RICTOR: variants seen among roughly 807,000 people sequenced by gnomAD.
The protein encoded by RICTOR is rapamycin-insensitive companion of mTOR.
In RICTOR, 49 loss-of-function variants were observed where a neutral mutation model predicts 214.9. The observed-to-expected ratio is 0.23, with a 90% confidence interval of 0.18 to 0.29. The LOEUF is 0.29. Ranked by LOEUF, RICTOR falls within the 10% of genes least tolerant of loss-of-function variation. RICTOR has a pLI of 1.00. For missense variants in RICTOR, 1,625 were observed against 2,047.0 expected, an observed-to-expected ratio of 0.79 and a Z score of 3.98; for synonymous variants, 717 against 711.3, an observed-to-expected ratio of 1.01 and a Z score of -0.13.
At chr5:39,024,339 G>T (rs1040597706) in intron 2 of RICTOR, among the ~76,000 whole-genome samples, 4 of 152,084 alleles carry the variant, frequency 2.6e-5, no homozygotes, top group African/African-American at 9.7e-5. Flanking sequence ...TTTGAAAGTT[G>T]AATGATCCAT....
chr5:38,947,198 G>T, intron 32 of RICTOR, 66 bp downstream of exon 32: 1 of 1,111,784 alleles, frequency 9.0e-7, no homozygotes, highest in Non-Finnish European at 1.3e-6. Flanking sequence ...TTTCTAGTAA[G>T]CAGTTACAGC....
chr5:39,035,347 G>T (rs1325292254), intron 2 of RICTOR, among the ~76,000 whole-genome samples: 1 of 152,082 alleles, frequency 6.6e-6, no homozygotes, highest in Non-Finnish European at 1.5e-5. Context: ...AAGACCTAAG[G>T]TAGATAAAAC....
intron 2 of RICTOR, among the ~76,000 whole-genome samples, chr5:39,051,560 C>G (rs935524467): frequency 2.0e-5 from 3 of 152,032 alleles, no homozygotes; most frequent in Non-Finnish European, 4.4e-5. Context: ...CCAGGCTGGC[C>G]AACATGGCGA....
intron 2 of RICTOR, among the ~76,000 whole-genome samples, chr5:39,034,137 C>A (rs777457082): frequency 3.9e-5 from 6 of 152,178 alleles, no homozygotes; most frequent in Non-Finnish European, 5.9e-5. Flanking sequence ...ATCTACCAGG[C>A]CACTTCTGCG....
In RICTOR at chr5:39,056,866, T is replaced by C. The variant is rs550881154; in HGVS notation, c.97+17245A>G. ...AAAATATGATTAGGAATGACCAGCA[T>C]AGAAATCATTTCACTAAACACAGTG... On this transcript the variant is annotated intron_variant, in intron 2 of 37. Transcript: ENST00000357387. 1.1e-4 allele frequency among the ~76,000 whole-genome samples: 17 copies of C among 152,174 alleles called. No individual in the cohort carries two copies. In the East Asian group the frequency reaches 3.3e-3, roughly 29 times the overall value.
At chr5:39,025,593 C>A (rs1452593504) in intron 2 of RICTOR, among the ~76,000 whole-genome samples, 1 of 152,162 alleles carries the variant, frequency 6.6e-6, no homozygotes, top group Non-Finnish European at 1.5e-5. Flanking sequence ...CATAGTTCTG[C>A]AGGCTGCAAG....
intron 2 of RICTOR, among the ~76,000 whole-genome samples, chr5:39,069,756 T>C (rs1229035839): frequency 6.6e-6 from 1 of 152,220 alleles, no homozygotes; most frequent in African/African-American, 2.4e-5. Context: ...AGCAGCACCC[T>C]AGGCAGCTCC....
chr5:39,030,377 A>G (rs566150311), intron 2 of RICTOR, among the ~76,000 whole-genome samples: 1 of 152,288 alleles, frequency 6.6e-6, no homozygotes, highest in African/African-American at 2.4e-5. Context: ...CTATGTTGTC[A>G]TAAGTATATT....
intron 22 of RICTOR, 92 bp downstream of exon 22, chr5:38,959,103 A>G (rs1395462020): frequency 1.0e-6 from 1 of 1,001,106 alleles, no homozygotes; most frequent in African/African-American, 1.7e-5. Flanking sequence ...TCCATATCAT[A>G]TTCTTAGAAC....
chr5:39,046,028 A>AAAATAAATAAATAAAT (rs141969707), intron 2 of RICTOR, among the ~76,000 whole-genome samples: 33,664 of 139,928 alleles, frequency 0.24, 4,262 homozygotes, highest in Admixed American at 0.26. Context: ...TCTGTCTTTA[A>AAAATAAATAAATAAAT]AAATAAATAA....
chr5:39,020,067 G>A (rs1755280569), intron 3 of RICTOR, among the ~76,000 whole-genome samples: 1 of 152,184 alleles, frequency 6.6e-6, no homozygotes, highest in Non-Finnish European at 1.5e-5. Context: ...GGGGGAGCCT[G>A]AAGATGCAAC....
intron 2 of RICTOR, among the ~76,000 whole-genome samples, chr5:39,039,619 A>G (rs1757013948): frequency 6.6e-6 from 1 of 152,232 alleles, no homozygotes; most frequent in African/African-American, 2.4e-5. Context: ...CAAATTTACA[A>G]GGAAAAAACA....
Position 38,952,310 on chromosome 5 carries a change from G to C in RICTOR, c.3013C>G (p.Pro1005Ala). Residue 1005 changes from proline to alanine, a missense_variant, in exon 30 of 38, where the codon CCA becomes GCA. This residue lies in a region of RICTOR where 1,214 missense variants were observed against 1,470.5 expected (regional missense o/e 0.83). Transcript: ENST00000357387. ...TTACAGAGTTGTTCCACATCATCTG[G>C]AACCACTGGCCACAGATGTTTGCGA... ...HSRKHLWPVV[P>A]DDVEQLCNEL... 4 of 1,612,360 alleles carry C rather than the reference G, an allele frequency of 2.5e-6. No individual in the cohort carries two copies. Among genetic ancestry groups the C allele is most frequent in the South Asian group, 1.1e-5 (1 of 91,048 alleles).
chr5:39,046,783 C>T (rs2150179757), intron 2 of RICTOR, among the ~76,000 whole-genome samples: 2 of 152,154 alleles, frequency 1.3e-5, no homozygotes, highest in East Asian at 3.9e-4. Context: ...TTACCTAAAG[C>T]TTTGAGTTAA....
chr5:39,007,359 CT>C (rs573691033), intron 3 of RICTOR, among the ~76,000 whole-genome samples: 1 of 152,132 alleles, frequency 6.6e-6, no homozygotes, highest in Non-Finnish European at 1.5e-5. Context: ...CTAATCTACA[CT>C]TTTTATAAGA....
chr5:39,036,645 A>G (rs1288367063), intron 2 of RICTOR, among the ~76,000 whole-genome samples: 2 of 152,170 alleles, frequency 1.3e-5, no homozygotes, highest in African/African-American at 4.8e-5. Context: ...ATGGAAAACA[A>G]AAAAAGGCAG....
chr5:38,990,752 A>ATC (rs1336882288), intron 7 of RICTOR, among the ~76,000 whole-genome samples, 197 bp downstream of exon 7: 4 of 52,606 alleles, frequency 7.6e-5, no homozygotes, highest in African/African-American at 2.1e-4. Flanking sequence ...TATGAGATAT[A>ATC]TGATATATAT....
At chr5:38,944,294 A>G (rs1389685982) in intron 36 of RICTOR, 152 bp downstream of exon 36, 4 of 763,680 alleles carry the variant, frequency 5.2e-6, no homozygotes, top group Non-Finnish European at 9.2e-6. Flanking sequence ...TGGCTGAAGT[A>G]TTAAAGAAAA....
intron 2 of RICTOR, among the ~76,000 whole-genome samples, chr5:39,072,247 T>C (rs915361441): frequency 6.6e-6 from 1 of 152,200 alleles, no homozygotes; most frequent in Admixed American, 6.5e-5. Flanking sequence ...GAAATACCTA[T>C]GGACATAGGT....
Sources: gnomAD v4.1 joint callset for allele counts (sites outside exome capture counted in the v4.1 genomes callset) on GRCh38, gnomAD v4.1.1 for gene constraint, gnomAD v4.1.1 regional missense constraint, MANE v1.5 for transcripts, NCBI Gene and HGNC (gene_info 2026-07-23, HGNC 2026-07-21) for gene names.